ADAM22: variants seen among roughly 807,000 people sequenced by gnomAD.
ADAM22 encodes disintegrin and metalloproteinase domain-containing protein 22.
Under a neutral mutation model 144.6 loss-of-function variants are expected in ADAM22, and 65 were observed. The observed-to-expected ratio is 0.45, with a 90% CI of 0.37 to 0.55. The LOEUF (loss-of-function observed/expected upper bound fraction) is 0.55, where lower values mean the gene tolerates loss of function less well. Among genes scored for constraint, ADAM22 ranks in the 20% least tolerant of loss-of-function variants. The pLI is 0.00. For synonymous variants in ADAM22, 391 were observed against 412.6 expected (o/e 0.95, Z 0.63); for missense variants, 974 against 1,184.9 (o/e 0.82, Z 2.61).
At chr7:88,056,237 A>G (rs2129475734) in intron 3 of ADAM22, among the ~76,000 whole-genome samples, 1 of 152,228 alleles carries the variant, frequency 6.6e-6, no homozygotes, top group South Asian at 2.1e-4. Context: ...CTTAATTTTT[A>G]TTAAAATATT....
At chr7:88,096,188 G>C (rs1821244806) in intron 4 of ADAM22, among the ~76,000 whole-genome samples, 1 of 151,220 alleles carries the variant, frequency 6.6e-6, no homozygotes, top group Non-Finnish European at 1.5e-5. Context: ...GTCCCAAAGT[G>C]CTGGGATTAC....
At chr7:87,976,731 A>G (rs1344963141) in intron 2 of ADAM22, among the ~76,000 whole-genome samples, 1 of 152,178 alleles carries the variant, frequency 6.6e-6, no homozygotes, top group Non-Finnish European at 1.5e-5. Context: ...GTTGGAATGA[A>G]CATAGCTTTT....
At chr7:87,963,849 T>C (rs192872867) in intron 2 of ADAM22, among the ~76,000 whole-genome samples, 9 of 152,308 alleles carry the variant, frequency 5.9e-5, no homozygotes, top group African/African-American at 1.4e-4. Context: ...AATGAGCCTT[T>C]GATATGAAAT....
chr7:88,181,600 G>A lies in ADAM22; in HGVS notation c.2591G>A (p.Trp864Ter). 1 of 1,613,046 alleles carries A rather than the reference G, an allele frequency of 6.2e-7. No individual in the cohort carries two copies. The highest frequency in any genetic ancestry group is 8.5e-7 in the Non-Finnish European group (1 of 1,179,176). Residue 864 changes from tryptophan to a stop codon, truncating the protein, a stop_gained, in exon 28 of 32, where the codon TGG (tryptophan) becomes TAG (stop). Transcript: ENST00000413139. LOFTEE classifies it high-confidence loss of function. ...CENGRPRSNS[W>*]QGNLGGNKKK... ...AATGGGCGACCTCGAAGTAACTCTT[G>A]GCAAGGTAGAGGCTGGCATTCTGAA...
intron 3 of ADAM22, among the ~76,000 whole-genome samples, chr7:87,982,108 CAT>C (rs1491145013): frequency 0.042 from 5,247 of 125,042 alleles, 214 homozygotes; most frequent in African/African-American, 0.12. Flanking sequence ...CACACACACA[CAT>C]GCATACACAA....
At chr7:87,937,709 C>A (rs1371228153) in intron 2 of ADAM22, among the ~76,000 whole-genome samples, 4 of 152,036 alleles carry the variant, frequency 2.6e-5, no homozygotes, top group Non-Finnish European at 5.9e-5. Flanking sequence ...CTTCTACTCC[C>A]TATAGCAATA....
At chr7:88,149,777 A>G (rs1433835566) in intron 18 of ADAM22, among the ~76,000 whole-genome samples, 1 of 152,206 alleles carries the variant, frequency 6.6e-6, no homozygotes, top group African/African-American at 2.4e-5. Context: ...AGGTGAAAGA[A>G]TAGTATTTAT....
At chr7:87,964,622 AT>A (rs758970828) in intron 2 of ADAM22, 483 of 415,532 alleles carry the variant, frequency 1.2e-3, no homozygotes, top group South Asian at 2.0e-3. Context: ...TACTCATTTA[AT>A]TTTTTTTTAG....
chr7:88,095,951 CAG>C (rs1821161680), intron 4 of ADAM22, among the ~76,000 whole-genome samples: 1 of 113,538 alleles, frequency 8.8e-6, no homozygotes, highest in African/African-American at 3.4e-5. Flanking sequence ...TTTTTAAAGA[CAG>C]GGTCTCACTC....
intron 4 of ADAM22, among the ~76,000 whole-genome samples, chr7:88,090,981 A>G (rs1240083097): frequency 6.6e-6 from 1 of 152,188 alleles, no homozygotes; most frequent in Admixed American, 6.5e-5. Flanking sequence ...TGATATTCTC[A>G]CAGAAGTATT....
rs1563245785 is a variant in ADAM22, at chr7:88,113,708, AT to A, written c.474-875del. 3.5e-3 allele frequency among the ~76,000 whole-genome samples: 325 copies of A among 93,690 alleles called. 6 individuals carry two copies. Among genetic ancestry groups the A allele is most frequent in the South Asian group, 8.4e-3 (22 of 2,614 alleles). 61.5% of individuals were successfully genotyped at this position (93,690 alleles called of 152,430 possible). ...ATATTATAAATAAATAAATAAATATATATATATATATATATATATATATATA... is the reference window on the plus strand; with the variant it reads ...ATATTATAAATAAATAAATAAATATAATATATATATATATATATATATATA... On this transcript the variant is annotated intron_variant, in intron 5 of 31. Coordinates refer to ENST00000413139, the MANE Select transcript of ADAM22 (RefSeq NM_001324418.2).
intron 21 of ADAM22, among the ~76,000 whole-genome samples, chr7:88,153,651 G>A (rs1243226477): frequency 6.6e-6 from 1 of 152,098 alleles, no homozygotes; most frequent in East Asian, 1.9e-4. Flanking sequence ...GAATTAACTG[G>A]CTCTAACTTT....
At chr7:87,975,436 A>G (rs1428021684) in intron 2 of ADAM22, among the ~76,000 whole-genome samples, 4 of 152,200 alleles carry the variant, frequency 2.6e-5, no homozygotes, top group Non-Finnish European at 5.9e-5. Context: ...TGAATGAATC[A>G]ATCTGTATAT....
At chr7:88,051,322 C>A (rs1037194321) in intron 3 of ADAM22, among the ~76,000 whole-genome samples, 3 of 152,152 alleles carry the variant, frequency 2.0e-5, no homozygotes, top group African/African-American at 7.2e-5. Context: ...CAGTGATAGA[C>A]TGGATTAAGA....
At chr7:88,027,462 A>G (rs1799250983) in intron 3 of ADAM22, among the ~76,000 whole-genome samples, 1 of 152,248 alleles carries the variant, frequency 6.6e-6, no homozygotes, top group East Asian at 1.9e-4. Context: ...CAATCTTGGT[A>G]GGTTGTATGT....
chr7:88,142,695 G>T (rs1401263449), intron 14 of ADAM22, among the ~76,000 whole-genome samples: 1 of 152,000 alleles, frequency 6.6e-6, no homozygotes, highest in Admixed American at 6.6e-5. Flanking sequence ...AAAATTAGCT[G>T]GGCATGGTGG....
intron 2 of ADAM22, among the ~76,000 whole-genome samples, chr7:87,940,037 C>T (rs1352628531): frequency 6.6e-6 from 1 of 151,886 alleles, no homozygotes; most frequent in East Asian, 1.9e-4. Context: ...ATGAAGGGTA[C>T]AAAAATTAGC....
rs1838290568 is a variant in ADAM22 at position 88,151,330 on chromosome 7, T to C, written c.1681+10T>C. 6.2e-7 allele frequency: 1 copy of C among 1,613,902 alleles called. No individual in the cohort carries two copies. The highest frequency in any genetic ancestry group is 8.5e-7 in the Non-Finnish European group (1 of 1,179,880). On this transcript the variant is annotated intron_variant, in intron 20 of 31. Transcript: ENST00000413139. ...TACATTTGGGGGCAAAGTAAGTAAA[T>C]AGTGTGGCTTGATCATTGTTAAAGC...
At chr7:88,093,826 A>G (rs1413746392) in intron 4 of ADAM22, among the ~76,000 whole-genome samples, 1 of 152,188 alleles carries the variant, frequency 6.6e-6, no homozygotes, top group African/African-American at 2.4e-5. Flanking sequence ...GGCATGAGCC[A>G]CTGCATCTGG....
Sources: gnomAD v4.1 joint callset for allele counts (sites outside exome capture counted in the v4.1 genomes callset) on GRCh38, gnomAD v4.1.1 for gene constraint, MANE v1.5 for transcripts, NCBI Gene and HGNC (gene_info 2026-07-23, HGNC 2026-07-21) for gene names.